NKAIN2: variants seen among roughly 807,000 people sequenced by gnomAD.
NKAIN2 encodes the protein sodium/potassium-transporting ATPase subunit beta-1-interacting protein 2.
A neutral mutation model predicts 32.6 loss-of-function variants in NKAIN2; 14 were observed. That is an observed-to-expected ratio of 0.43 (90% CI 0.28 to 0.67). The LOEUF (loss-of-function observed/expected upper bound fraction) is 0.67. NKAIN2 is among the 30% of genes least tolerant of loss of function. The probability of loss-of-function intolerance (pLI) is 0.17; values close to 1 mark genes in which losing one functional copy is unlikely to be tolerated. For missense variants in NKAIN2, 198 were observed against 258.3 expected (o/e 0.77, Z 1.60); for synonymous variants, 80 against 87.2 (o/e 0.92, Z 0.46).
intron 1 of NKAIN2, among the ~76,000 whole-genome samples, chr6:124,187,218 G>T (rs757632359): frequency 1.6e-4 from 24 of 152,058 alleles, no homozygotes; most frequent in Non-Finnish European, 2.4e-4. Context: ...AACCTGATAT[G>T]GATGGATTAG....
intron 3 of NKAIN2, among the ~76,000 whole-genome samples, chr6:124,474,451 T>C (rs1406522482): frequency 6.6e-6 from 1 of 152,078 alleles, no homozygotes; most frequent in Non-Finnish European, 1.5e-5. Flanking sequence ...ACAAAGTGAT[T>C]CTTCAAACGG....
chr6:124,743,370 A>G (rs946990243), intron 4 of NKAIN2, among the ~76,000 whole-genome samples: 1 of 151,890 alleles, frequency 6.6e-6, no homozygotes, highest in Non-Finnish European at 1.5e-5. Flanking sequence ...AATAAGTTAA[A>G]ATCCTAGCCT....
intron 1 of NKAIN2, among the ~76,000 whole-genome samples, chr6:124,178,390 T>C (rs924357965): frequency 2.6e-5 from 4 of 151,486 alleles, no homozygotes; most frequent in Non-Finnish European, 2.9e-5. Context: ...CTCCGCCTCC[T>C]GGGTTCACGC....
chr6:124,166,550 T>C (rs1788552852), intron 1 of NKAIN2, among the ~76,000 whole-genome samples: 1 of 151,126 alleles, frequency 6.6e-6, no homozygotes, highest in African/African-American at 2.4e-5. Flanking sequence ...TTTTGTCTTT[T>C]GTTGCCATTG....
At chr6:123,934,801 T>C (rs1776424397) in intron 1 of NKAIN2, among the ~76,000 whole-genome samples, 2 of 152,038 alleles carry the variant, frequency 1.3e-5, no homozygotes, top group South Asian at 4.1e-4. Context: ...TTCTGAAATT[T>C]AAATAAAATT....
At position 124,597,520 on chromosome 6, in the gene NKAIN2, T is replaced by C. The variant is rs115450175; in HGVS notation, c.274-60666T>C. Among the ~76,000 whole-genome samples the C allele has an allele frequency of 1.8e-3, 279 of 152,230 alleles. 1 individual carries two copies. The highest frequency in any genetic ancestry group is 6.3e-3 in the African/African-American group (262 of 41,554). On this transcript the variant is annotated intron_variant, in intron 3 of 6. Transcript: ENST00000368417. ...TTTCAGTTAGGAAATTGGAGAGACATAATTGATTTCATTCTTTTGACACAC... is the reference window on the plus strand; with the variant it reads ...TTTCAGTTAGGAAATTGGAGAGACACAATTGATTTCATTCTTTTGACACAC...
intron 1 of NKAIN2, among the ~76,000 whole-genome samples, chr6:123,970,753 G>C (rs888295999): frequency 6.6e-6 from 1 of 151,796 alleles, no homozygotes; most frequent in African/African-American, 2.4e-5. Context: ...ATGGTGGTGC[G>C]TGCCTGTAAT....
intron 2 of NKAIN2, among the ~76,000 whole-genome samples, chr6:124,334,821 G>C (rs1328171712): frequency 6.6e-6 from 1 of 152,152 alleles, no homozygotes; most frequent in African/African-American, 2.4e-5. Context: ...TTGGAAAAGG[G>C]CTATTGTCAT....
intron 3 of NKAIN2, among the ~76,000 whole-genome samples, chr6:124,536,695 G>A (rs1262855673): frequency 1.3e-5 from 2 of 152,122 alleles, no homozygotes; most frequent in Admixed American, 6.5e-5. Context: ...TTCAAACACA[G>A]ACTGGAATTA....
At chr6:124,037,450 C>A (rs543076256) in intron 1 of NKAIN2, among the ~76,000 whole-genome samples, 2 of 152,140 alleles carry the variant, frequency 1.3e-5, no homozygotes, top group East Asian at 1.9e-4. Flanking sequence ...TCCCATATGT[C>A]ATTTTTTTCT....
chr6:124,752,923 G>A (rs796392867), intron 4 of NKAIN2, among the ~76,000 whole-genome samples: 24 of 152,056 alleles, frequency 1.6e-4, no homozygotes, highest in African/African-American at 5.5e-4. Flanking sequence ...AGGAACAAAA[G>A]AAATCCAAAT....
intron 2 of NKAIN2, among the ~76,000 whole-genome samples, chr6:124,304,714 G>A (rs1796439184): frequency 6.6e-6 from 1 of 152,038 alleles, no homozygotes; most frequent in African/African-American, 2.4e-5. Context: ...AGAAGATAGA[G>A]ACCATTCTGG....
chr6:124,418,561 A>AAT lies in NKAIN2; in HGVS notation c.273+63224_273+63225dup, dbSNP rs1026567368. On this transcript the variant is annotated intron_variant, in intron 3 of 6. Transcript: ENST00000368417. ...AAGGGATTATATATTATATATATAA[A>AAT]ATATATATATAATATCTATAAACTA... 5.0e-5 allele frequency among the ~76,000 whole-genome samples: 7 copies of AAT among 138,650 alleles called. No individual in the cohort carries two copies. The South Asian group carries it at 6.3e-4, about 12-fold the overall frequency. The allele number at this position is 138,650 out of a possible 152,430, so 91.0% of individuals were successfully genotyped here. A position where few individuals can be genotyped will look rare whatever the true frequency, so the allele number is the denominator to read the frequency against.
At chr6:123,843,456 C>A (rs76482669) in intron 1 of NKAIN2, among the ~76,000 whole-genome samples, 1 of 152,132 alleles carries the variant, frequency 6.6e-6, no homozygotes, top group African/African-American at 2.4e-5. Context: ...TCTGCCGAGC[C>A]ACTCTGCCCC....
At chr6:124,035,885 A>C (rs1781586410) in intron 1 of NKAIN2, among the ~76,000 whole-genome samples, 1 of 152,162 alleles carries the variant, frequency 6.6e-6, no homozygotes, top group Non-Finnish European at 1.5e-5. Context: ...GATGGCAGAA[A>C]GGGCAGGTCA....
chr6:124,144,934 A>G (rs985965438), intron 1 of NKAIN2, among the ~76,000 whole-genome samples: 15 of 152,222 alleles, frequency 9.9e-5, no homozygotes, highest in Non-Finnish European at 8.8e-5. Context: ...TCAAACAACA[A>G]TAACATACAG....
In NKAIN2 at chr6:124,375,377, C is replaced by CTA. The variant is rs918498759; in HGVS notation, c.273+20044_273+20045dup. Among the ~76,000 whole-genome samples the CTA allele has an allele frequency of 5.7e-3, 819 of 144,262 alleles. 6 individuals are homozygous for CTA. The highest frequency in any genetic ancestry group is 0.016 in the African/African-American group (631 of 39,632). The allele number at this position is 144,262 out of a possible 152,430, so 94.6% of individuals were successfully genotyped here. On this transcript the variant is annotated intron_variant, in intron 3 of 6. Coordinates refer to ENST00000368417, the MANE Select transcript of NKAIN2 (RefSeq NM_001040214.3). ...CAAGAACAATGCCAGTAGGTACTCA[C>CTA]TATATATATATATATGTATATAAAT...
intron 3 of NKAIN2, among the ~76,000 whole-genome samples, chr6:124,530,892 G>T (rs532626313): frequency 6.6e-6 from 1 of 152,286 alleles, no homozygotes; most frequent in East Asian, 1.9e-4. Context: ...GAATGAATTA[G>T]CCCTTCTTCC....
At chr6:124,642,181 T>C (rs1351733755) in intron 3 of NKAIN2, among the ~76,000 whole-genome samples, 2 of 152,218 alleles carry the variant, frequency 1.3e-5, no homozygotes, top group Admixed American at 6.5e-5. Context: ...TTTTGTGTTC[T>C]GGGCTGCATT....
Sources: gnomAD v4.1 joint callset for allele counts (sites outside exome capture counted in the v4.1 genomes callset) on GRCh38, gnomAD v4.1.1 for gene constraint, MANE v1.5 for transcripts, NCBI Gene and HGNC (gene_info 2026-07-23, HGNC 2026-07-21) for gene names.